The following PRKG1 variants were observed in gnomAD, a reference collection of about 807,000 sequenced individuals.
PRKG1 encodes the protein protein kinase cGMP-dependent 1.
Under a neutral mutation model 88.1 loss-of-function variants are expected in PRKG1, and 35 were observed. That is an observed-to-expected ratio of 0.40 (90% CI 0.30 to 0.53). The LOEUF (loss-of-function observed/expected upper bound fraction) is 0.53. PRKG1 is among the 20% of genes least tolerant of loss of function. The pLI is 0.59. For missense variants in PRKG1, 540 were observed against 839.8 expected (o/e 0.64, Z 4.41); for synonymous variants, 303 against 292.5 (o/e 1.04, Z -0.37).
At chr10:51,190,803 C>T (rs1013308172) in intron 2 of PRKG1, among the ~76,000 whole-genome samples, 1 of 151,952 alleles carries the variant, frequency 6.6e-6, no homozygotes, top group Non-Finnish European at 1.5e-5. Context: ...ATGTTTTGAA[C>T]CTCCACTTTT....
At chr10:51,700,174 C>T (rs987808242) in intron 3 of PRKG1, among the ~76,000 whole-genome samples, 1 of 152,192 alleles carries the variant, frequency 6.6e-6, no homozygotes, top group African/African-American at 2.4e-5. Context: ...AATTAACTGA[C>T]AAGAAATATA....
chr10:51,704,174 A>C (rs1474515389), intron 3 of PRKG1, among the ~76,000 whole-genome samples: 1 of 150,926 alleles, frequency 6.6e-6, no homozygotes, highest in Non-Finnish European at 1.5e-5. Context: ...TAAATAAATA[A>C]ATAAAATTAA....
At chr10:51,790,671 G>A (rs1051627115) in intron 3 of PRKG1, among the ~76,000 whole-genome samples, 35 of 152,080 alleles carry the variant, frequency 2.3e-4, no homozygotes, top group African/African-American at 8.0e-4. Context: ...AAGTCAACAC[G>A]TGGTATCACC....
At chr10:51,613,857 G>T in intron 3 of PRKG1, among the ~76,000 whole-genome samples, 1 of 151,890 alleles carries the variant, frequency 6.6e-6, no homozygotes, top group East Asian at 1.9e-4. Context: ...TACTTGATAT[G>T]ATTTCAATAT....
chr10:51,320,023 G>T, intron 2 of PRKG1: 1 of 201,692 alleles, frequency 5.0e-6, no homozygotes, highest in South Asian at 1.1e-4. Context: ...TGAAGAATTT[G>T]GAAGTGCTCA....
intron 2 of PRKG1, among the ~76,000 whole-genome samples, chr10:51,159,423 T>C (rs1034420841): frequency 2.0e-5 from 3 of 152,130 alleles, no homozygotes; most frequent in Non-Finnish European, 2.9e-5. Flanking sequence ...ATCGTTGAAA[T>C]ACAAATGTAC....
chr10:51,035,967 A>G (rs893357774), intron 1 of PRKG1, among the ~76,000 whole-genome samples: 2 of 152,148 alleles, frequency 1.3e-5, no homozygotes, highest in African/African-American at 2.4e-5. Flanking sequence ...TTTAACTCAT[A>G]TTTGTCCAGG....
At chr10:51,278,136 C>T (rs938276274) in intron 2 of PRKG1, among the ~76,000 whole-genome samples, 6 of 152,092 alleles carry the variant, frequency 3.9e-5, no homozygotes, top group African/African-American at 1.4e-4. Context: ...CCATCAATAC[C>T]TAATTTATTG....
At chr10:51,000,917 G>A (rs781040452) in intron 1 of PRKG1, among the ~76,000 whole-genome samples, 9 of 152,156 alleles carry the variant, frequency 5.9e-5, no homozygotes, top group Non-Finnish European at 1.0e-4. Context: ...AATTCTGGCC[G>A]AGTTCTCTCT....
chr10:51,042,719 C>A (rs929493297), intron 1 of PRKG1, among the ~76,000 whole-genome samples: 1 of 152,134 alleles, frequency 6.6e-6, no homozygotes, highest in Non-Finnish European at 1.5e-5. Context: ...GATGGCTCTG[C>A]AGAGTGCTGG....
At position 51,907,556 on chromosome 10, in the gene PRKG1, G is replaced by T; in HGVS notation, c.748G>T (p.Asp250Tyr). The T allele has an allele frequency of 3.7e-6, 6 of 1,613,668 alleles. No individual in the cohort carries two copies. Among genetic ancestry groups the T allele is most frequent in the Non-Finnish European group, 5.1e-6 (6 of 1,179,720 alleles). The change falls in exon 5 of 18, where the codon GAT becomes TAT. Residue 250 changes from aspartate to tyrosine, a missense_variant. Physicochemically the swap from Asp to Tyr is radical, Grantham distance 160. Around this residue, in one of 5 missense-constraint regions of PRKG1, gnomAD observed 400 missense variants for 562.7 expected, o/e 0.71. Transcript: ENST00000373980. ...TGAAGAGATCCTCAGCAAGCTTGCT[G>T]ATGTCCTTGAAGAGGTAATTGTTTT... The part of the protein sequence containing the change: ...LPEEILSKLA[D>Y]VLEETHYENG...
At chr10:51,432,947 T>C (rs911366396) in intron 2 of PRKG1, among the ~76,000 whole-genome samples, 1 of 152,136 alleles carries the variant, frequency 6.6e-6, no homozygotes, top group Non-Finnish European at 1.5e-5. Context: ...GAAAATAGAC[T>C]GTACAGCTTA....
At chr10:51,483,311 G>A (rs953406305) in intron 3 of PRKG1, among the ~76,000 whole-genome samples, 1 of 152,040 alleles carries the variant, frequency 6.6e-6, no homozygotes, top group Admixed American at 6.6e-5. Flanking sequence ...GTGAGCCACC[G>A]CACCCAGCCC....
intron 1 of PRKG1, among the ~76,000 whole-genome samples, chr10:50,999,427 A>G (rs7076470): frequency 0.89 from 136,007 of 152,242 alleles, 60,900 homozygotes; most frequent in African/African-American, 0.95. Flanking sequence ...TGTAATAGGT[A>G]TATTGCAACT....
In PRKG1 at chr10:52,110,662, C is replaced by T. The variant is rs115691695; in HGVS notation, c.936-23178C>T. ...AGACATAGTTTAGAGCTATGCTTCC[C>T]AGCAAACAGTGCAAAGAGAGAAGTG... On this transcript the variant is annotated intron_variant, in intron 7 of 17. Transcript: ENST00000373980. Among the ~76,000 whole-genome samples the T allele has an allele frequency of 2.6e-3, 393 of 152,192 alleles. 5 individuals carry two copies. The highest frequency in any genetic ancestry group is 8.9e-3 in the African/African-American group (368 of 41,536).
chr10:52,276,514 T>G (rs1210419011), intron 12 of PRKG1, among the ~76,000 whole-genome samples: 1 of 152,166 alleles, frequency 6.6e-6, no homozygotes, highest in Non-Finnish European at 1.5e-5. Flanking sequence ...AAATTTTAAT[T>G]TGAGTCTATC....
intron 3 of PRKG1, among the ~76,000 whole-genome samples, chr10:51,599,532 T>A (rs1045746257): frequency 1.3e-5 from 2 of 152,196 alleles, no homozygotes; most frequent in Non-Finnish European, 2.9e-5. Context: ...ATTTTGGCCT[T>A]AATAATTATT....
chr10:51,168,364 G>A (rs1374371354), intron 2 of PRKG1, among the ~76,000 whole-genome samples: 1 of 151,942 alleles, frequency 6.6e-6, no homozygotes. Context: ...TAAAACAATG[G>A]CATGCTTTGT....
At chr10:51,350,543 A>G (rs939642557) in intron 2 of PRKG1, among the ~76,000 whole-genome samples, 1 of 152,226 alleles carries the variant, frequency 6.6e-6, no homozygotes, top group Non-Finnish European at 1.5e-5. Context: ...CACTTTCAGC[A>G]TTGTTACTCA....
Sources: gnomAD v4.1 joint callset for allele counts (sites outside exome capture counted in the v4.1 genomes callset) on GRCh38, gnomAD v4.1.1 for gene constraint, gnomAD v4.1.1 regional missense constraint, MANE v1.5 for transcripts, NCBI Gene and HGNC (gene_info 2026-07-23, HGNC 2026-07-21) for gene names.